SLC6A11: variants seen among roughly 807,000 people sequenced by gnomAD.
SLC6A11 encodes the protein sodium- and chloride-dependent GABA transporter 3.
SLC6A11 carries 25 observed loss-of-function variants against 74.8 expected under a neutral mutation model. That is an observed-to-expected ratio of 0.33 (90% CI 0.24 to 0.47). The LOEUF (loss-of-function observed/expected upper bound fraction) is 0.47, where lower values mean the gene tolerates loss of function less well. SLC6A11 is among the 20% of genes least tolerant of loss of function. The probability of loss-of-function intolerance (pLI) is 1.00; values close to 1 mark genes in which losing one functional copy is unlikely to be tolerated. For missense variants in SLC6A11, 574 were observed against 837.0 expected (o/e 0.69, Z 3.88); for synonymous variants, 330 against 330.2 (o/e 1.00, Z 0.01).
intron 4 of SLC6A11, among the ~76,000 whole-genome samples, chr3:10,830,655 G>A (rs930756633): frequency 2.6e-5 from 4 of 152,186 alleles, no homozygotes; most frequent in African/African-American, 9.7e-5. Flanking sequence ...ACTGAGAGAA[G>A]TGAGGGAGCA....
intron 4 of SLC6A11, among the ~76,000 whole-genome samples, chr3:10,838,984 C>T (rs1295633479): frequency 6.6e-6 from 1 of 152,110 alleles, no homozygotes; most frequent in East Asian, 1.9e-4. Flanking sequence ...TTTTGAGCTA[C>T]CCTCTTGGTT....
At position 10,926,374 on chromosome 3, in the gene SLC6A11, C is replaced by G. The variant is rs1413606868; in HGVS notation, c.1233+258C>G. Among the ~76,000 whole-genome samples the G allele has an allele frequency of 3.3e-5, 5 of 152,194 alleles. No homozygotes were observed. The highest frequency in any genetic ancestry group is 1.2e-4 in the African/African-American group (5 of 41,448). On this transcript the variant is annotated intron_variant, in intron 9 of 13. Transcript: ENST00000254488. The surrounding 1 kb of genome is among the most constrained non-coding windows in gnomAD (Gnocchi z 5.7). ...CTAAGCCTTCCCAAACACTGTTTTC[C>G]TTACCGGAATTCCCAACTCTCAATT...
intron 9 of SLC6A11, among the ~76,000 whole-genome samples, chr3:10,927,214 G>A (rs1695620369): frequency 1.3e-5 from 2 of 152,150 alleles, no homozygotes; most frequent in Admixed American, 1.3e-4. Context: ...TATTGTTGCT[G>A]TTGCGGGCAG....
intron 6 of SLC6A11, among the ~76,000 whole-genome samples, chr3:10,890,990 C>T (rs1034558386): frequency 5.9e-5 from 9 of 152,194 alleles, no homozygotes; most frequent in African/African-American, 2.2e-4. Context: ...GGTAGAGTTT[C>T]TAACTTCTGG....
intron 5 of SLC6A11, among the ~76,000 whole-genome samples, chr3:10,869,143 A>C (rs1403184453): frequency 1.3e-5 from 2 of 152,228 alleles, no homozygotes; most frequent in Non-Finnish European, 2.9e-5. Flanking sequence ...CAGCAGGGAA[A>C]ATAAAAGACC....
chr3:10,876,739 C>G (rs1246196171), intron 6 of SLC6A11, among the ~76,000 whole-genome samples: 1 of 43,432 alleles, frequency 2.3e-5, no homozygotes, highest in African/African-American at 8.1e-5. Context: ...AACGCCCCGC[C>G]CCCCCCCCCC....
intron 8 of SLC6A11, among the ~76,000 whole-genome samples, chr3:10,924,654 C>A (rs1429752981): frequency 1.3e-5 from 2 of 151,714 alleles, no homozygotes; most frequent in African/African-American, 4.8e-5. Context: ...AAAAAGAAAA[C>A]AACCTAATGA....
chr3:10,827,950 T>C (rs767648467), intron 4 of SLC6A11, among the ~76,000 whole-genome samples: 28 of 152,332 alleles, frequency 1.8e-4, no homozygotes, highest in Non-Finnish European at 4.0e-4. Flanking sequence ...CTGACTCTTA[T>C]GGGGGTCCTA....
intron 5 of SLC6A11, among the ~76,000 whole-genome samples, chr3:10,864,715 A>G (rs1694743298): frequency 6.6e-6 from 1 of 152,162 alleles, no homozygotes; most frequent in Non-Finnish European, 1.5e-5. Flanking sequence ...ACCCTGGCCC[A>G]TCAGCCGCCA....
rs370006097 is a variant in SLC6A11, at chr3:10,858,942, C to A, written c.756+14596C>A. Among the ~76,000 whole-genome samples the A allele has an allele frequency of 6.9e-4, 105 of 152,270 alleles. 3 individuals are homozygous for A. The South Asian group carries it at 0.022, about 31-fold the overall frequency. ...AAAGGAATGGAACAAGTTCTTTATG[C>A]CCAGAATGGGCAGCCCTCGAGGGTA... On this transcript the variant is annotated intron_variant, in intron 5 of 13. Coordinates refer to ENST00000254488, the MANE Select transcript of SLC6A11 (RefSeq NM_014229.3).
intron 8 of SLC6A11, among the ~76,000 whole-genome samples, chr3:10,923,081 G>C (rs1041753138): frequency 6.6e-6 from 1 of 151,866 alleles, no homozygotes. Context: ...AAAATTCATG[G>C]TTTTCATCTA....
chr3:10,827,092 T>C (rs1268695171), intron 4 of SLC6A11, among the ~76,000 whole-genome samples: 1 of 152,200 alleles, frequency 6.6e-6, no homozygotes, highest in Non-Finnish European at 1.5e-5. Flanking sequence ...CTCTAATTCC[T>C]CTTTGCCCCT....
chr3:10,869,467 G>A (rs1037577729), intron 5 of SLC6A11, among the ~76,000 whole-genome samples: 8 of 152,260 alleles, frequency 5.3e-5, no homozygotes, highest in African/African-American at 1.9e-4. Context: ...GGAATCCTCT[G>A]CCTGTGGGGA....
At chr3:10,916,372 C>T (rs1408800397) in intron 7 of SLC6A11, among the ~76,000 whole-genome samples, 1 of 152,186 alleles carries the variant, frequency 6.6e-6, no homozygotes, top group Non-Finnish European at 1.5e-5. Context: ...AACCCCAGCA[C>T]ACAGGGGTTG....
chr3:10,907,125 A>T (rs571284950), intron 6 of SLC6A11, among the ~76,000 whole-genome samples: 4 of 152,366 alleles, frequency 2.6e-5, no homozygotes, highest in South Asian at 2.1e-4. Context: ...AACAAGCTAA[A>T]GGAAAATAAT....
At chr3:10,847,813 A>C (rs1049929693) in intron 5 of SLC6A11, among the ~76,000 whole-genome samples, 1 of 152,214 alleles carries the variant, frequency 6.6e-6, no homozygotes, top group East Asian at 1.9e-4. Flanking sequence ...CAGCATCCAA[A>C]GGTTTTTTGG....
chr3:10,873,531 T>C (rs938161518), intron 5 of SLC6A11, among the ~76,000 whole-genome samples: 2 of 136,704 alleles, frequency 1.5e-5, no homozygotes, highest in South Asian at 2.4e-4. Context: ...CATCCTATCC[T>C]GTCCTATCCT....
At chr3:10,927,275 C>T (rs1235854559) in intron 9 of SLC6A11, among the ~76,000 whole-genome samples, 1 of 152,196 alleles carries the variant, frequency 6.6e-6, no homozygotes, top group Admixed American at 6.5e-5. Context: ...GCCTGCCTGG[C>T]AGAGGGAGGC....
rs1164735795 is a variant in SLC6A11 at position 10,874,983 on chromosome 3, T to C, written c.779T>C (p.Phe260Ser). 1 of 1,612,614 alleles carries C rather than the reference T, an allele frequency of 6.2e-7. No individual in the cohort carries two copies. The highest frequency in any genetic ancestry group is 1.3e-5 in the African/African-American group (1 of 74,940). ...TGKVVYVTAT[F>S]PYIMLLILLI... is the part of the protein sequence containing the mutation. ...CAGGTTGTATACGTGACTGCGACAT[T>C]CCCCTACATCATGCTGCTGATCCTC... Residue 260 changes from phenylalanine to serine, a missense_variant, in exon 6 of 14, where the codon TTC becomes TCC. Physicochemically the swap from Phe to Ser is radical, Grantham distance 155. Around this residue, in one of 4 missense-constraint regions of SLC6A11, gnomAD observed 215 missense variants for 357.9 expected, o/e 0.60. Coordinates refer to ENST00000254488, the MANE Select transcript of SLC6A11 (RefSeq NM_014229.3).
Sources: gnomAD v4.1 joint callset for allele counts (sites outside exome capture counted in the v4.1 genomes callset) on GRCh38, gnomAD v4.1.1 for gene constraint, gnomAD v4.1.1 regional missense constraint, Gnocchi (gnomAD v3.1) non-coding constraint, MANE v1.5 for transcripts, NCBI Gene and HGNC (gene_info 2026-07-23, HGNC 2026-07-21) for gene names.